NRBP1: variants seen among roughly 807,000 people sequenced by gnomAD.
NRBP1 encodes nuclear receptor binding protein 1.
In NRBP1, 10 loss-of-function variants were observed where a neutral mutation model predicts 76.0. That is an observed-to-expected ratio of 0.13 (90% CI 0.08 to 0.22). The LOEUF (loss-of-function observed/expected upper bound fraction) is 0.22, where lower values mean the gene tolerates loss of function less well. Ranked by LOEUF, NRBP1 falls within the 10% of genes least tolerant of loss-of-function variation. The probability of loss-of-function intolerance (pLI) is 1.00; values close to 1 mark genes in which losing one functional copy is unlikely to be tolerated. For missense variants in NRBP1, 344 were observed against 646.0 expected (o/e 0.53, Z 5.07); for synonymous variants, 235 against 240.2 (o/e 0.98, Z 0.20).
In NRBP1 at chr2:27,435,155, C is replaced by T. The variant is rs1451189311; in HGVS notation, c.589C>T (p.Pro197Ser). The T allele has an allele frequency of 6.2e-7, 1 of 1,614,090 alleles. No homozygotes were observed. Among genetic ancestry groups the T allele is most frequent in the Non-Finnish European group, 8.5e-7 (1 of 1,180,016 alleles). Reference sequence around the variant, plus strand: ...CAGCTACCTGCACTCCTGTGACCCCCCCATCATCCATGGGAACCTGACCTG... The same window carrying T: ...CAGCTACCTGCACTCCTGTGACCCCTCCATCATCCATGGGAACCTGACCTG... Reference protein sequence around the residue: ...ALSYLHSCDPPIIHGNLTCDT... With the variant: ...ALSYLHSCDPSIIHGNLTCDT... The change falls in exon 7 of 18, where the codon CCC becomes TCC. Residue 197 changes from proline (P) to serine (S), a missense_variant. By Grantham distance (74) the Pro-to-Ser change is moderately conservative (BLOSUM62 -1). Transcript: ENST00000379852.
intron 6 of NRBP1, 73 bp downstream of exon 6, chr2:27,434,835 C>A: frequency 2.1e-6 from 3 of 1,414,592 alleles, no homozygotes; most frequent in Non-Finnish European, 1.0e-6. Flanking sequence ...CAGGGCACTA[C>A]TCTTCTGTTC....
Position 27,437,125 on chromosome 2 carries a change from G to T in NRBP1, c.804+20G>T, listed in dbSNP as rs74372203. 23 of 1,607,846 alleles carry T rather than the reference G, an allele frequency of 1.4e-5. No homozygotes were observed. Among genetic ancestry groups the T allele is most frequent in the East Asian group, 2.2e-5 (1 of 44,846 alleles). On this transcript the variant is annotated intron_variant, in intron 9 of 17. Coordinates refer to ENST00000379852, the MANE Select transcript of NRBP1 (RefSeq NM_013392.4). ...CTGGAGGTGAGGGGACTGGAGGGGA[G>T]GGGGGAAAGGGGTCAGATGAGAAGA... is the stretch of plus-strand genomic sequence containing the variant.
intron 1 of NRBP1, among the ~76,000 whole-genome samples, chr2:27,430,451 T>C (rs966948384): frequency 1.4e-5 from 2 of 146,360 alleles, no homozygotes; most frequent in Admixed American, 1.4e-4. Context: ...AGTTTCTTTT[T>C]CTTTTCTTTC....
At chr2:27,441,662 CCTTCT>C (rs1558341503) in intron 17 of NRBP1, 40 bp downstream of exon 17, 7 of 1,612,370 alleles carry the variant, frequency 4.3e-6, no homozygotes, top group Non-Finnish European at 5.9e-6. Flanking sequence ...TGCCCCCATG[CCTTCT>C]CTTCTCTCAG....
chr2:27,441,225 T>G (rs1664540966), intron 15 of NRBP1, 42 bp from the exon 16 acceptor site: 3 of 1,613,464 alleles, frequency 1.9e-6, no homozygotes, highest in Middle Eastern at 1.7e-4. Flanking sequence ...AGCCAGAGGG[T>G]AGGGAAGAAA....
chr2:27,442,008 T>G lies in NRBP1; in HGVS notation c.*196T>G, dbSNP rs1439072766. On this transcript the variant is annotated 3_prime_UTR_variant, in exon 18 of 18. Coordinates refer to ENST00000379852, the MANE Select transcript of NRBP1 (RefSeq NM_013392.4). ...TCTCTTCCTCCCCTCTGCACTTTGT[T>G]TACTTGTTTTGCACAGACGTGGGCC... is the stretch of plus-strand genomic sequence containing the variant. The G allele has an allele frequency of 3.5e-6, 2 of 573,560 alleles. No individual in the cohort carries two copies. The highest frequency in any genetic ancestry group is 3.7e-5 in the African/African-American group (2 of 53,482). The allele number at this position is 573,560 out of a possible 1,614,324, so 35.5% of individuals were successfully genotyped here. A position where few individuals can be genotyped will look rare whatever the true frequency, so the allele number is the denominator to read the frequency against.
intron 1 of NRBP1, among the ~76,000 whole-genome samples, chr2:27,430,478 T>TTC (rs1553317016): frequency 0.012 from 1,588 of 137,782 alleles, 15 homozygotes; most frequent in African/African-American, 0.023. Context: ...TCTTTTTTTT[T>TTC]TTTTTTTTGA....
chr2:27,441,879 C>T lies in NRBP1; in HGVS notation c.*67C>T, dbSNP rs1176623141. On this transcript the variant is annotated 3_prime_UTR_variant, in exon 18 of 18. Transcript: ENST00000379852. Reference sequence around the variant, plus strand: ...CTGGACGTGCTGCAGCCCTCCTGTCCCTTCCCCCCAGTCAGTATTACCCTG... The same window carrying T: ...CTGGACGTGCTGCAGCCCTCCTGTCTCTTCCCCCCAGTCAGTATTACCCTG... The T allele has an allele frequency of 1.1e-6, 1 of 933,630 alleles. No homozygotes were observed. The highest frequency in any genetic ancestry group is 1.7e-6 in the Non-Finnish European group (1 of 585,902). The allele number at this position is 933,630 out of a possible 1,614,324, so 57.8% of individuals were successfully genotyped here.
intron 4 of NRBP1, 131 bp downstream of exon 4, chr2:27,434,221 A>G (rs1664222256): frequency 1.2e-6 from 1 of 804,178 alleles, no homozygotes; most frequent in Non-Finnish European, 2.0e-6. Context: ...TGCAATGGCG[A>G]TAAGAGTAGG....
In NRBP1 at chr2:27,428,664, G is replaced by A. The variant is rs905817920; in HGVS notation, c.-88G>A. ...TGCGGAGCGCAGCTGTGAGGGAGTC[G>A]CTGTGATCCGGGGCCCCGGAACCCG... On this transcript the variant is annotated 5_prime_UTR_variant, in exon 1 of 18. Coordinates refer to ENST00000379852, the MANE Select transcript of NRBP1 (RefSeq NM_013392.4). 2.3e-5 allele frequency: 9 copies of A among 398,028 alleles called. No homozygotes were observed. The highest frequency in any genetic ancestry group is 3.1e-5 in the Non-Finnish European group (7 of 225,728). The allele number at this position is 398,028 out of a possible 1,614,324, so 24.7% of individuals were successfully genotyped here.
chr2:27,439,926 A>G, intron 11 of NRBP1, 28 bp downstream of exon 11: 1 of 1,520,058 alleles, frequency 6.6e-7, no homozygotes, highest in South Asian at 1.1e-5. Flanking sequence ...TATGGGGAAT[A>G]GTCTTCCAAT....
chr2:27,438,171 CTG>C, intron 10 of NRBP1, among the ~76,000 whole-genome samples: 2 of 125,418 alleles, frequency 1.6e-5, no homozygotes, highest in African/African-American at 7.2e-5. Flanking sequence ...GAGAGCGAGA[CTG>C]TCTCAAAAAA....
intron 10 of NRBP1, 88 bp from the exon 11 acceptor site, chr2:27,439,678 C>G (rs1664450650): frequency 6.6e-7 from 1 of 1,515,470 alleles, no homozygotes. Flanking sequence ...ATGTACAAAG[C>G]CTTGTGCTAA....
At chr2:27,437,405 G>GGTTTT in intron 10 of NRBP1, 45 bp downstream of exon 10, 1 of 1,436,760 alleles carries the variant, frequency 7.0e-7, no homozygotes, top group Non-Finnish European at 9.8e-7. Flanking sequence ...ACCTTCAAAT[G>GGTTTT]TCTTCTGGTT....
At chr2:27,436,509 C>G (rs1664313642) in intron 7 of NRBP1, 1 of 499,322 alleles carries the variant, frequency 2.0e-6, no homozygotes. Context: ...TTAATTTAGT[C>G]TGGTGCTTTT....
At chr2:27,441,543 C>G (rs760391271) in intron 16 of NRBP1, 24 bp from the exon 17 acceptor site, 8 of 1,613,744 alleles carry the variant, frequency 5.0e-6, no homozygotes, top group Non-Finnish European at 6.8e-6. Flanking sequence ...GTACTGTACT[C>G]ACCCCCTCCT....
chr2:27,435,971 A>G (rs1372790795), intron 7 of NRBP1: 12 of 600,934 alleles, frequency 2.0e-5, no homozygotes, highest in Non-Finnish European at 3.0e-5. Flanking sequence ...TCCTGGATTC[A>G]TGTTCTCCCT....
At chr2:27,433,058 T>A (rs1664165481) in intron 1 of NRBP1, among the ~76,000 whole-genome samples, 196 bp from the exon 2 acceptor site, 1 of 152,136 alleles carries the variant, frequency 6.6e-6, no homozygotes, top group Non-Finnish European at 1.5e-5. Context: ...TTTGTATTTT[T>A]AGTAGAGATG....
Position 27,430,469 on chromosome 2 carries a change from CTTTTTTT to C in NRBP1, c.-21+1749_-21+1755del, listed in dbSNP as rs977927783. ...TTCTTTTTCTTTTCTTTCTTTTTTTCTTTTTTTTTTTTTTTTTGAGTCATAGTCTCAC... is the reference window on the plus strand; with the variant it reads ...TTCTTTTTCTTTTCTTTCTTTTTTTCTTTTTTTTTTGAGTCATAGTCTCAC... On this transcript the variant is annotated intron_variant, in intron 1 of 17. Coordinates refer to ENST00000379852, the MANE Select transcript of NRBP1 (RefSeq NM_013392.4). 9.0e-3 allele frequency among the ~76,000 whole-genome samples: 1,243 copies of C among 138,706 alleles called. 10 individuals carry two copies. Among genetic ancestry groups the C allele is most frequent in the Middle Eastern group, 0.015 (4 of 264 alleles). 91.0% of individuals were successfully genotyped at this position (138,706 alleles called of 152,430 possible). A position where few individuals can be genotyped will look rare whatever the true frequency, so the allele number is the denominator to read the frequency against.
Sources: gnomAD v4.1 joint callset for allele counts (sites outside exome capture counted in the v4.1 genomes callset) on GRCh38, gnomAD v4.1.1 for gene constraint, MANE v1.5 for transcripts, NCBI Gene and HGNC (gene_info 2026-07-23, HGNC 2026-07-21) for gene names.